Variants in ZNF516 observed in about 807,000 individuals in gnomAD.
ZNF516 encodes the protein zinc finger protein 516.
A neutral mutation model predicts 79.7 loss-of-function variants in ZNF516; 19 were observed. The ratio of observed to expected loss-of-function variants is 0.24; its 90% confidence interval spans 0.17 to 0.35. The LOEUF is 0.35. ZNF516 is among the 10% of genes least tolerant of loss of function. ZNF516 has a pLI of 1.00. For missense variants in ZNF516, 1,678 were observed against 1,679.5 expected, an observed-to-expected ratio of 1.00 and a Z score of 0.02; for synonymous variants, 877 against 739.5, an observed-to-expected ratio of 1.19 and a Z score of -3.02.
chr18:76,483,602 G>A (rs977411668), intron 1 of ZNF516, among the ~76,000 whole-genome samples: 3 of 152,178 alleles, frequency 2.0e-5, no homozygotes, highest in African/African-American at 7.2e-5. Flanking sequence ...GCTTAAGAAG[G>A]TGAGTCTCAG....
chr18:76,418,222 G>T (rs2075458500), intron 3 of ZNF516, among the ~76,000 whole-genome samples: 1 of 151,908 alleles, frequency 6.6e-6, no homozygotes, highest in South Asian at 2.1e-4. Flanking sequence ...ATAACACACT[G>T]TAACACACGC....
intron 3 of ZNF516, among the ~76,000 whole-genome samples, chr18:76,408,059 A>ATC (rs1221930899): frequency 6.6e-6 from 1 of 152,180 alleles, no homozygotes; most frequent in Non-Finnish European, 1.5e-5. Flanking sequence ...AAAGGACCAG[A>ATC]AGGCTTTTTC....
At chr18:76,445,993 G>A (rs768390814) in intron 2 of ZNF516, among the ~76,000 whole-genome samples, 16 of 152,204 alleles carry the variant, frequency 1.1e-4, no homozygotes, top group African/African-American at 1.9e-4. Context: ...CTGTGCACCC[G>A]TCAGCGTGCA....
chr18:76,399,702 T>A (rs755829350), intron 3 of ZNF516, among the ~76,000 whole-genome samples: 1 of 152,150 alleles, frequency 6.6e-6, no homozygotes, highest in Non-Finnish European at 1.5e-5. Flanking sequence ...GGTCCACAGG[T>A]CTGACTTCTA....
At chr18:76,376,019 C>G (rs1466025703) in intron 4 of ZNF516, among the ~76,000 whole-genome samples, 1 of 152,156 alleles carries the variant, frequency 6.6e-6, no homozygotes, top group African/African-American at 2.4e-5. Flanking sequence ...ATGGGTAGGC[C>G]CAAGAGACCA....
intron 1 of ZNF516, among the ~76,000 whole-genome samples, chr18:76,474,223 C>T (rs564743300): frequency 6.6e-6 from 1 of 152,114 alleles, no homozygotes; most frequent in Non-Finnish European, 1.5e-5. Context: ...AAGAAACAGA[C>T]AGCTTGAAAA....
chr18:76,363,265 T>C (rs951845549), intron 6 of ZNF516, among the ~76,000 whole-genome samples: 7 of 152,230 alleles, frequency 4.6e-5, no homozygotes, highest in African/African-American at 7.2e-5. Flanking sequence ...CTTAACTGCA[T>C]TAACCTTCAG....
intron 3 of ZNF516, among the ~76,000 whole-genome samples, chr18:76,398,986 C>G (rs2075182268): frequency 6.6e-6 from 1 of 152,126 alleles, no homozygotes; most frequent in Non-Finnish European, 1.5e-5. Context: ...ACTTACGGAA[C>G]AAAGGCCATT....
chr18:76,378,895 G>A lies in ZNF516; in HGVS notation c.3219C>T (p.Tyr1073=). The A allele has an allele frequency of 1.9e-6, 3 of 1,613,708 alleles. No homozygotes were observed. The highest frequency in any genetic ancestry group is 2.2e-5 in the East Asian group (1 of 44,880). Residue 1073 remains tyrosine (Y), a synonymous_variant, in exon 4 of 7, where the codon TAC becomes TAT. Transcript: ENST00000443185. ...TYIPKDFATL[Y]QGWGVSGPGL... is the part of the protein sequence containing the mutation. ...CAGGGCCGCTGACACCCCATCCCTG[G>A]TAGAGGGTCGCAAAGTCCTTTGGAA...
At chr18:76,484,352 T>C (rs572927652) in intron 1 of ZNF516, among the ~76,000 whole-genome samples, 22 of 152,302 alleles carry the variant, frequency 1.4e-4, no homozygotes, top group African/African-American at 4.6e-4. Flanking sequence ...ATATTAACCT[T>C]CTAAAACAAG....
At position 76,442,692 on chromosome 18, in the gene ZNF516, G is replaced by A. The variant is rs769705824; in HGVS notation, c.363C>T (p.Ala121=). ...CGTTCAGCAGCCGGTTGCAGGCCGA[G>A]GCGCTCTTGGTGGGGCTGGCGCAGG... ...LDACASPTKS[A]SACNRLLNGA... is the part of the protein sequence containing the mutation. Residue 121 remains alanine, a synonymous_variant, in exon 3 of 7, where the codon GCC becomes GCT. Transcript: ENST00000443185. 4 of 1,583,068 alleles carry A rather than the reference G, an allele frequency of 2.5e-6. No homozygotes were observed. The Admixed American group carries it at 5.3e-5, about 21-fold the overall frequency.
upstream of ZNF516, chr18:76,496,171 G>A: frequency 1.0e-6 from 1 of 988,260 alleles, no homozygotes; most frequent in Admixed American, 3.4e-5. Context: ...CGCGGGGGCG[G>A]GGGAGGGGCG....
At chr18:76,479,593 G>A (rs1231851313) in intron 1 of ZNF516, among the ~76,000 whole-genome samples, 2 of 152,214 alleles carry the variant, frequency 1.3e-5, no homozygotes, top group African/African-American at 4.8e-5. Flanking sequence ...ACCACATGTG[G>A]AACTAGATTC....
chr18:76,362,640 A>G, intron 6 of ZNF516, 83 bp from the exon 7 acceptor site: 3 of 1,370,924 alleles, frequency 2.2e-6, no homozygotes, highest in Non-Finnish European at 3.1e-6. Context: ...TTAATTTTCT[A>G]ATCAACATCC....
chr18:76,392,548 C>G (rs139599839), intron 3 of ZNF516, among the ~76,000 whole-genome samples: 3 of 121,934 alleles, frequency 2.5e-5, no homozygotes, highest in Non-Finnish European at 3.5e-5. Context: ...GATGGGAAGG[C>G]AGGTGGCCAC....
At chr18:76,409,728 G>A (rs999386192) in intron 3 of ZNF516, among the ~76,000 whole-genome samples, 3 of 152,188 alleles carry the variant, frequency 2.0e-5, no homozygotes, top group African/African-American at 4.8e-5. Context: ...GTGGAAAACC[G>A]AGAGAGCTGC....
intron 3 of ZNF516, among the ~76,000 whole-genome samples, chr18:76,404,117 G>A (rs1354840648): frequency 6.6e-6 from 1 of 152,234 alleles, no homozygotes; most frequent in African/African-American, 2.4e-5. Flanking sequence ...GGACTTAGCA[G>A]TCTCCAGTGA....
Position 76,390,434 on chromosome 18 carries a change from C to T in ZNF516, c.1811-10131G>A, listed in dbSNP as rs575593048. ...TACAGCCCAACACACACACCTGTTG[C>T]GGGGTGGAGCAGGTCACCCAGGGAG... is the stretch of plus-strand genomic sequence containing the variant. On this transcript the variant is annotated intron_variant, in intron 3 of 6. Transcript: ENST00000443185. Among the ~76,000 whole-genome samples the T allele has an allele frequency of 9.2e-5, 14 of 152,324 alleles. No homozygotes were observed. In the East Asian group the frequency reaches 1.4e-3, roughly 15 times the overall value.
At chr18:76,475,991 C>T (rs565572909) in intron 1 of ZNF516, among the ~76,000 whole-genome samples, 5 of 152,254 alleles carry the variant, frequency 3.3e-5, no homozygotes, top group East Asian at 1.9e-4. Flanking sequence ...TGTTGTGAAA[C>T]GTCTCACACA....
Sources: allele counts gnomAD v4.1 joint callset (sites outside exome capture counted in the v4.1 genomes callset), GRCh38; gene constraint gnomAD v4.1.1; transcripts MANE v1.5; gene names NCBI Gene and HGNC (gene_info 2026-07-23, HGNC 2026-07-21).